BDP1: variants seen among roughly 807,000 people sequenced by gnomAD.
The protein encoded by BDP1 is transcription factor TFIIIB component B'' homolog.
Under a neutral mutation model 266.6 loss-of-function variants are expected in BDP1, and 169 were observed. The ratio of observed to expected loss-of-function variants is 0.63; its 90% CI spans 0.56 to 0.72. The LOEUF (loss-of-function observed/expected upper bound fraction) is 0.72, where lower values mean the gene tolerates loss of function less well. Among genes scored for constraint, BDP1 ranks in the 30% least tolerant of loss-of-function variants. The pLI is 0.00. For synonymous variants in BDP1, 1,090 were observed against 1,022.4 expected, an observed-to-expected ratio of 1.07 and a Z score of -1.26; for missense variants, 3,015 against 3,053.8, an observed-to-expected ratio of 0.99 and a Z score of 0.30.
chr5:71,533,809 C>G, intron 26 of BDP1, among the ~76,000 whole-genome samples: 1 of 152,034 alleles, frequency 6.6e-6, no homozygotes, highest in African/African-American at 2.4e-5. Flanking sequence ...AGTGGTGTCA[C>G]ATTGTGGTTT....
chr5:71,463,294 T>C (rs1409237427), intron 3 of BDP1, among the ~76,000 whole-genome samples: 2 of 152,156 alleles, frequency 1.3e-5, no homozygotes, highest in Admixed American at 6.6e-5. Flanking sequence ...GAGGCAGGTT[T>C]ATAATAAATC....
chr5:71,474,453 T>A (rs958732848), intron 7 of BDP1, among the ~76,000 whole-genome samples: 6 of 151,830 alleles, frequency 4.0e-5, no homozygotes, highest in African/African-American at 1.5e-4. Context: ...TCCCAAGAAG[T>A]TGGGACTATA....
intron 16 of BDP1, among the ~76,000 whole-genome samples, chr5:71,506,617 G>T (rs1264450727): frequency 1.3e-5 from 2 of 151,916 alleles, no homozygotes; most frequent in Non-Finnish European, 2.9e-5. Flanking sequence ...CTCTATTAAA[G>T]AAAAGGTACT....
intron 1 of BDP1, among the ~76,000 whole-genome samples, chr5:71,456,514 A>T (rs955619769): frequency 1.3e-5 from 2 of 152,190 alleles, no homozygotes; most frequent in African/African-American, 4.8e-5. Context: ...TTACCGATTT[A>T]TGTCAGTGAG....
chr5:71,531,971 A>G (rs1052912416), intron 25 of BDP1, among the ~76,000 whole-genome samples: 3 of 152,328 alleles, frequency 2.0e-5, no homozygotes, highest in East Asian at 3.9e-4. Context: ...CTAGCCTTCT[A>G]TAAATGTTAA....
intron 33 of BDP1, 41 bp from the exon 34 acceptor site, chr5:71,549,379 A>G: frequency 6.8e-7 from 1 of 1,460,660 alleles, no homozygotes; most frequent in Non-Finnish European, 9.4e-7. Flanking sequence ...CTGTTATTTC[A>G]TAGTTGAGCT....
intron 8 of BDP1, 24 bp from the exon 9 acceptor site, chr5:71,486,460 G>C: frequency 5.9e-6 from 9 of 1,528,458 alleles, no homozygotes; most frequent in Non-Finnish European, 5.2e-6. Context: ...AAACTTGAAA[G>C]TTCTTTTCCT....
intron 7 of BDP1, among the ~76,000 whole-genome samples, chr5:71,480,993 A>ATGGT (rs1762924329): frequency 1.3e-5 from 2 of 152,094 alleles, no homozygotes; most frequent in African/African-American, 4.8e-5. Context: ...TGGCTAACAC[A>ATGGT]GAAACCCTGT....
chr5:71,513,578 G>T (rs1348675929), intron 19 of BDP1, among the ~76,000 whole-genome samples, 171 bp downstream of exon 19: 2 of 151,904 alleles, frequency 1.3e-5, no homozygotes, highest in Non-Finnish European at 2.9e-5. Context: ...CATAATTTGT[G>T]TAAGAATCTC....
At chr5:71,502,232 T>C (rs1233342772) in intron 14 of BDP1, among the ~76,000 whole-genome samples, 2 of 149,878 alleles carry the variant, frequency 1.3e-5, no homozygotes, top group African/African-American at 4.9e-5. Flanking sequence ...TGTCACGTAG[T>C]GGTGCAGTCT....
rs1352299494 is a variant in BDP1, at chr5:71,545,030, C to G, written c.6564-9C>G. Reference sequence around the variant, plus strand: ...TTTCAAATGACATGCATGCTAAACTCTCTTTCAGAAACGAAAATCAAGAAG... The same window carrying G: ...TTTCAAATGACATGCATGCTAAACTGTCTTTCAGAAACGAAAATCAAGAAG... On this transcript the variant is annotated splice_polypyrimidine_tract_variant and intron_variant, in intron 31 of 38. Coordinates refer to ENST00000358731, the MANE Select transcript of BDP1 (RefSeq NM_018429.3). The G allele has an allele frequency of 1.2e-6, 2 of 1,612,174 alleles. No homozygotes were observed. Among genetic ancestry groups the G allele is most frequent in the Non-Finnish European group, 1.7e-6 (2 of 1,179,610 alleles).
intron 32 of BDP1, 121 bp downstream of exon 32, chr5:71,545,340 C>A: frequency 2.4e-6 from 2 of 825,144 alleles, no homozygotes; most frequent in South Asian, 2.0e-5. Context: ...TTTATTTCTT[C>A]TTTTTTTTTT....
intron 25 of BDP1, among the ~76,000 whole-genome samples, chr5:71,528,805 A>G (rs534166745): frequency 2.0e-5 from 3 of 152,376 alleles, no homozygotes; most frequent in Admixed American, 2.0e-4. Context: ...TGTGAAACCA[A>G]GAAAATGCAG....
Position 71,513,229 on chromosome 5 carries a change from C to T in BDP1, c.4292C>T (p.Ala1431Val). Residue 1431 changes from alanine (A) to valine (V), a missense_variant, in exon 19 of 39, where the codon GCA becomes GTA. Around this residue, in one of 3 missense-constraint regions of BDP1, gnomAD observed 2,383 missense variants for 2,404.9 expected, o/e 0.99. Coordinates refer to ENST00000358731, the MANE Select transcript of BDP1 (RefSeq NM_018429.3). The part of the protein sequence containing the change: ...QEQKPLEIKP[A>V]PFVRSRFKRP... The stretch of plus-strand genomic sequence containing the variant: ...CAGAAGCCACTTGAAATTAAACCAG[C>T]ACCTTTTGTGAGGAGCCGATTCAAA... The T allele has an allele frequency of 3.1e-6, 5 of 1,613,788 alleles. No homozygotes were observed. The highest frequency in any genetic ancestry group is 4.2e-6 in the Non-Finnish European group (5 of 1,179,994).
At position 71,542,245 on chromosome 5, in the gene BDP1, C is replaced by T. The variant is rs777732471; in HGVS notation, c.6392C>T (p.Ala2131Val). 42 of 1,609,788 alleles carry T rather than the reference C, an allele frequency of 2.6e-5. No individual in the cohort carries two copies. The highest frequency in any genetic ancestry group is 3.4e-5 in the Non-Finnish European group (40 of 1,179,008). Residue 2131 changes from alanine to valine, a missense_variant, in exon 30 of 39, where the codon GCA (alanine) becomes GTA (valine). Ala to Val is a moderately conservative substitution (Grantham distance 64). This residue lies in a region of BDP1 where 629 missense variants were observed against 632.5 expected (regional missense o/e 0.99). Coordinates refer to ENST00000358731, the MANE Select transcript of BDP1 (RefSeq NM_018429.3). ...EVSSLCVTKG[A>V]EMETQRETEK... ...TCCAGTTTGTGTGTAACCAAAGGGG[C>T]AGAAATGGAAACTCAAAGAGGTAAA...
intron 7 of BDP1, among the ~76,000 whole-genome samples, chr5:71,473,912 A>G (rs1334237348): frequency 6.9e-6 from 1 of 145,572 alleles, no homozygotes; most frequent in Non-Finnish European, 1.5e-5. Context: ...TCCCTTTTCT[A>G]GCTTCTTAAG....
the BDP1 span, among the ~76,000 whole-genome samples, chr5:71,577,817 C>A: frequency 7.2e-5 from 11 of 152,166 alleles, no homozygotes. Flanking sequence ...TCTCTGTCTT[C>A]TGTTCATAGT....
chr5:71,553,527 G>A (rs1288524163), intron 35 of BDP1, among the ~76,000 whole-genome samples: 2 of 152,160 alleles, frequency 1.3e-5, no homozygotes, highest in African/African-American at 2.4e-5. Context: ...TTGATGGAGA[G>A]TAATCAAGAA....
intron 7 of BDP1, among the ~76,000 whole-genome samples, chr5:71,475,379 G>A (rs1762519341): frequency 6.6e-6 from 1 of 152,148 alleles, no homozygotes; most frequent in Non-Finnish European, 1.5e-5. Context: ...CAAAGTGTTG[G>A]GATTACAGGC....
Sources: allele counts gnomAD v4.1 joint callset (sites outside exome capture counted in the v4.1 genomes callset), GRCh38; gene constraint gnomAD v4.1.1; regional missense constraint gnomAD v4.1.1; transcripts MANE v1.5; gene names NCBI Gene and HGNC (gene_info 2026-07-23, HGNC 2026-07-21).